Variants in ZNF654 observed in about 807,000 individuals in gnomAD.
The protein encoded by ZNF654 is zinc finger protein 654, also known as melanoma-associated antigen.
A neutral mutation model predicts 95.3 loss-of-function variants in ZNF654; 19 were observed. That is an observed-to-expected ratio of 0.20 (90% CI 0.14 to 0.29). The LOEUF (loss-of-function observed/expected upper bound fraction) is 0.29, where lower values mean the gene tolerates loss of function less well. Ranked by LOEUF, ZNF654 falls within the 10% of genes least tolerant of loss-of-function variation. ZNF654 has a pLI of 1.00. For missense variants in ZNF654, 1,046 were observed against 1,341.0 expected (o/e 0.78, Z 3.44); for synonymous variants, 413 against 457.9 (o/e 0.90, Z 1.25).
At chr3:88,096,567 A>T (rs1447148543) in intron 2 of ZNF654, among the ~76,000 whole-genome samples, 3 of 152,008 alleles carry the variant, frequency 2.0e-5, no homozygotes, top group Non-Finnish European at 4.4e-5. Flanking sequence ...TAGATTGGCA[A>T]TTTTTTTCTT....
chr3:88,068,967 A>G (rs1224304991), intron 1 of ZNF654, among the ~76,000 whole-genome samples: 4 of 152,200 alleles, frequency 2.6e-5, no homozygotes, highest in South Asian at 4.1e-4. Flanking sequence ...CTATGCATAT[A>G]TATTTGATAT....
In ZNF654 at chr3:88,143,950, T is replaced by C. The variant is rs1197413089; in HGVS notation, c.*2298T>C. 8 of 152,182 alleles carry C rather than the reference T, an allele frequency of 5.3e-5. No individual in the cohort carries two copies. Among genetic ancestry groups the C allele is most frequent in the African/African-American group, 1.9e-4 (8 of 41,432 alleles). 9.4% of individuals were successfully genotyped at this position (152,182 alleles called of 1,614,324 possible). On this transcript the variant is annotated 3_prime_UTR_variant, in exon 9 of 9. Coordinates refer to ENST00000636215, the MANE Select transcript of ZNF654 (RefSeq NM_001350134.2). ...GTGCATAAACTTCCAACAGTTCTAATTTGAGCGCTTCAGAAGAAAAGGAAG... is the reference window on the plus strand; with the variant it reads ...GTGCATAAACTTCCAACAGTTCTAACTTGAGCGCTTCAGAAGAAAAGGAAG...
chr3:88,135,064 G>T lies in ZNF654; in HGVS notation c.897G>T (p.Glu299Asp). 1 of 1,408,830 alleles carries T rather than the reference G, an allele frequency of 7.1e-7. No homozygotes were observed. Among genetic ancestry groups the T allele is most frequent in the Non-Finnish European group, 9.2e-7 (1 of 1,087,466 alleles). 87.3% of individuals were successfully genotyped at this position (1,408,830 alleles called of 1,614,324 possible). A position where few individuals can be genotyped will look rare whatever the true frequency, so the allele number is the denominator to read the frequency against. The stretch of plus-strand genomic sequence containing the variant: ...TCTCTTTTTTTCTCATTTACAGGGA[G>T]TTGATTTTCATATGGAGTAAACTAC... ...LQNGDMYCIW[E>D]LIFIWSKLQL... The change falls in exon 7 of 9, where the codon GAG (glutamate) becomes GAT (aspartate). Residue 299 changes from glutamate (E) to aspartate (D), a missense_variant. Physicochemically the swap from Glu to Asp is conservative, Grantham distance 45. Coordinates refer to ENST00000636215, the MANE Select transcript of ZNF654 (RefSeq NM_001350134.2).
At position 88,106,270 on chromosome 3, in the gene ZNF654, T is replaced by A. The variant is rs182563736; in HGVS notation, c.333-6845T>A. On this transcript the variant is annotated intron_variant, in intron 2 of 8. Coordinates refer to ENST00000636215, the MANE Select transcript of ZNF654 (RefSeq NM_001350134.2). ...TATAAATTAGTTGGACTTTTTCTTT[T>A]CATTATTGTTATAGGGATGTTAAGC... Among the ~76,000 whole-genome samples, 697 of 152,318 alleles carry A rather than the reference T, an allele frequency of 4.6e-3. 4 individuals are homozygous for A. The highest frequency in any genetic ancestry group is 0.01 in the Middle Eastern group (3 of 294).
In ZNF654 at chr3:88,143,187, TATTAA is replaced by T. The variant is rs1162275167; in HGVS notation, c.*1540_*1544del. 1 of 152,288 alleles carries T rather than the reference TATTAA, an allele frequency of 6.6e-6. No homozygotes were observed. Among genetic ancestry groups the T allele is most frequent in the Non-Finnish European group, 1.5e-5 (1 of 67,756 alleles). The allele number at this position is 152,288 out of a possible 1,614,324, so 9.4% of individuals were successfully genotyped here. A position where few individuals can be genotyped will look rare whatever the true frequency, so the allele number is the denominator to read the frequency against. Reference sequence around the variant, plus strand: ...TTTCTTCCAGGTAGCATCCATATTTTATTAAATTAGGATTTCCAGATCATGATAGA... The same window carrying T: ...TTTCTTCCAGGTAGCATCCATATTTTATTAGGATTTCCAGATCATGATAGA... On this transcript the variant is annotated 3_prime_UTR_variant, in exon 9 of 9. Coordinates refer to ENST00000636215, the MANE Select transcript of ZNF654 (RefSeq NM_001350134.2).
At chr3:88,084,765 C>T (rs1485053135) in intron 1 of ZNF654, among the ~76,000 whole-genome samples, 3 of 152,178 alleles carry the variant, frequency 2.0e-5, no homozygotes. Context: ...AATCATGGCA[C>T]AGCAAGCAGC....
rs139594844 is a variant in ZNF654, at chr3:88,109,205, C to T, written c.333-3910C>T. Among the ~76,000 whole-genome samples the T allele has an allele frequency of 2.6e-3, 393 of 148,646 alleles. 1 individual carries two copies. Among genetic ancestry groups the T allele is most frequent in the African/African-American group, 9.0e-3 (369 of 40,778 alleles). ...TATGAAGAAAACCGTTAACTTTTTC[C>T]TCCCTCAGTAAAGATGTTACTGAAG... On this transcript the variant is annotated intron_variant, in intron 2 of 8. Transcript: ENST00000636215.
chr3:88,140,748 C>G lies in ZNF654; in HGVS notation c.3079C>G (p.Pro1027Ala), dbSNP rs1283484750. The G allele has an allele frequency of 4.3e-6, 7 of 1,613,682 alleles. No homozygotes were observed. The highest frequency in any genetic ancestry group is 5.9e-6 in the Non-Finnish European group (7 of 1,179,728). ...EHNTLPVSQA[P>A]SKPNLTSEHT... is the part of the protein sequence containing the mutation. Reference sequence around the variant, plus strand: ...CAACACCTTGCCAGTATCTCAGGCACCTTCCAAACCAAATCTGACAAGTGA... The same window carrying G: ...CAACACCTTGCCAGTATCTCAGGCAGCTTCCAAACCAAATCTGACAAGTGA... The change falls in exon 8 of 9, where the codon CCT (proline) becomes GCT (alanine). Residue 1027 changes from proline (P) to alanine (A), a missense_variant. Physicochemically the swap from Pro to Ala is conservative, Grantham distance 27. This residue lies in a region of ZNF654 where 495 missense variants were observed against 537.0 expected (regional missense o/e 0.92). Coordinates refer to ENST00000636215, the MANE Select transcript of ZNF654 (RefSeq NM_001350134.2).
chr3:88,074,467 A>G (rs530478247), intron 1 of ZNF654, among the ~76,000 whole-genome samples: 82 of 150,706 alleles, frequency 5.4e-4, no homozygotes, highest in African/African-American at 1.9e-3. Context: ...TCAGCCTCCC[A>G]AGTAGCTGGG....
chr3:88,068,588 G>A (rs1294376843), intron 1 of ZNF654, among the ~76,000 whole-genome samples: 3 of 152,070 alleles, frequency 2.0e-5, no homozygotes, highest in Admixed American at 6.5e-5. Flanking sequence ...GATTTGATGT[G>A]TGTATGTTAA....
chr3:88,110,674 A>G (rs538932152), intron 2 of ZNF654, among the ~76,000 whole-genome samples: 1 of 152,158 alleles, frequency 6.6e-6, no homozygotes, highest in Admixed American at 6.5e-5. Context: ...CACCCTACAG[A>G]GTTTTCTTCC....
intron 2 of ZNF654, among the ~76,000 whole-genome samples, chr3:88,094,527 T>C (rs1009412100): frequency 6.6e-6 from 1 of 152,134 alleles, no homozygotes; most frequent in Non-Finnish European, 1.5e-5. Flanking sequence ...TGTGTAGTTT[T>C]GGAAAATGGT....
intron 4 of ZNF654, among the ~76,000 whole-genome samples, chr3:88,128,140 A>AATACC (rs1706228785): frequency 1.3e-5 from 2 of 152,160 alleles, no homozygotes; most frequent in South Asian, 4.1e-4. Flanking sequence ...CTAGTATCAT[A>AATACC]ATACCCATCA....
At chr3:88,108,287 C>T (rs1704867998) in intron 2 of ZNF654, among the ~76,000 whole-genome samples, 1 of 151,462 alleles carries the variant, frequency 6.6e-6, no homozygotes, top group Non-Finnish European at 1.5e-5. Context: ...GAAGAATATA[C>T]TGGTGTAGCT....
chr3:88,067,989 CTATAT>C (rs764409969), intron 1 of ZNF654, among the ~76,000 whole-genome samples: 6 of 151,514 alleles, frequency 4.0e-5, no homozygotes, highest in Non-Finnish European at 7.4e-5. Context: ...AAGGGATTAT[CTATAT>C]TATAAGACCC....
chr3:88,064,758 A>G (rs894379510), intron 1 of ZNF654, among the ~76,000 whole-genome samples: 2 of 152,180 alleles, frequency 1.3e-5, no homozygotes, highest in African/African-American at 2.4e-5. Flanking sequence ...TTAAAACACA[A>G]ATATTTTTAC....
intron 2 of ZNF654, among the ~76,000 whole-genome samples, chr3:88,108,908 C>G (rs1016551930): frequency 2.6e-5 from 4 of 151,946 alleles, no homozygotes; most frequent in African/African-American, 7.3e-5. Context: ...TTGTGAGGGA[C>G]AAAGAAATTC....
At chr3:88,132,493 T>A (rs1706525562) in intron 6 of ZNF654, among the ~76,000 whole-genome samples, 1 of 152,228 alleles carries the variant, frequency 6.6e-6, no homozygotes, top group Non-Finnish European at 1.5e-5. Context: ...CAGGATTTTT[T>A]TGTTGTTGGT....
At chr3:88,085,167 G>A (rs1338448554) in intron 1 of ZNF654, among the ~76,000 whole-genome samples, 4 of 152,200 alleles carry the variant, frequency 2.6e-5, no homozygotes, top group Non-Finnish European at 4.4e-5. Context: ...GGCTCTGAGT[G>A]TTCTTGGCTT....
Sources: gnomAD v4.1 joint callset for allele counts (sites outside exome capture counted in the v4.1 genomes callset) on GRCh38, gnomAD v4.1.1 for gene constraint, gnomAD v4.1.1 regional missense constraint, MANE v1.5 for transcripts, NCBI Gene and HGNC (gene_info 2026-07-23, HGNC 2026-07-21) for gene names.